The following RPF1 variants were observed in gnomAD, a reference collection of about 807,000 sequenced individuals.
RPF1 encodes the protein ribosome production factor 1.
In RPF1, 34 loss-of-function variants were observed where a neutral mutation model predicts 41.9. The observed-to-expected ratio is 0.81, with a 90% confidence interval of 0.62 to 1.08. The LOEUF (loss-of-function observed/expected upper bound fraction) is 1.08, where lower values mean the gene tolerates loss of function less well. RPF1 is among the 50% of genes least tolerant of loss of function. The probability of loss-of-function intolerance (pLI) is 0.00; values close to 1 mark genes in which losing one functional copy is unlikely to be tolerated. For missense variants in RPF1, 425 were observed against 435.2 expected (o/e 0.98, Z 0.21); for synonymous variants, 140 against 148.9 (o/e 0.94, Z 0.43).
Position 84,495,933 on chromosome 1 carries a change from T to A in RPF1, c.751T>A (p.Phe251Ile), listed in dbSNP as rs1681926603. The part of the protein sequence containing the change: ...EHIPEIILNN[F>I]TTRLGHSIGR... Reference sequence around the variant, plus strand: ...CATACCTGAAATAATTCTGAATAATTTTACAACACGGCTGGGTCATTCAAT... The same window carrying A: ...CATACCTGAAATAATTCTGAATAATATTACAACACGGCTGGGTCATTCAAT... Residue 251 changes from phenylalanine (F) to isoleucine (I), a missense_variant, in exon 7 of 9, where the codon TTT (phenylalanine) becomes ATT (isoleucine). Transcript: ENST00000370654. 1.2e-6 allele frequency: 2 copies of A among 1,611,322 alleles called. No individual in the cohort carries two copies. Among genetic ancestry groups the A allele is most frequent in the Non-Finnish European group, 1.7e-6 (2 of 1,177,806 alleles).
At chr1:84,488,374 T>C (rs1427663049) in intron 3 of RPF1, among the ~76,000 whole-genome samples, 1 of 152,164 alleles carries the variant, frequency 6.6e-6, no homozygotes, top group Non-Finnish European at 1.5e-5. Flanking sequence ...AAACTGCATG[T>C]CTTTGAAAAT....
intron 2 of RPF1, 73 bp from the exon 3 acceptor site, chr1:84,482,842 T>C: frequency 1.1e-6 from 1 of 911,860 alleles, no homozygotes; most frequent in Non-Finnish European, 1.8e-6. Flanking sequence ...TGTAGCTTTC[T>C]GTTATTTTTC....
At chr1:84,492,863 A>G (rs1322268413) in intron 5 of RPF1, among the ~76,000 whole-genome samples, 1 of 152,232 alleles carries the variant, frequency 6.6e-6, no homozygotes, top group Non-Finnish European at 1.5e-5. Flanking sequence ...TCCAAATGTG[A>G]GCAGCTGTCA....
At position 84,497,750 on chromosome 1, in the gene RPF1, A is replaced by T. The variant is rs1332940838; in HGVS notation, c.*280A>T. The T allele has an allele frequency of 3.3e-6, 1 of 306,446 alleles. No individual in the cohort carries two copies. Among genetic ancestry groups the T allele is most frequent in the Non-Finnish European group, 6.1e-6 (1 of 164,622 alleles). 19.0% of individuals were successfully genotyped at this position (306,446 alleles called of 1,614,324 possible). ...AATCAAGATTCAGATTAACTTTCCT[A>T]TTTGCATAGAACACATGAGAGGAAT... On this transcript the variant is annotated 3_prime_UTR_variant, in exon 9 of 9. Transcript: ENST00000370654.
In RPF1 at chr1:84,479,559, T is replaced by G. The variant is rs756659309; in HGVS notation, c.228+50T>G. ...GGCGCTTGCGCGTTGTTCCTGACGC[T>G]TAGGGCGGTCGCGGGGCGCACATCT... On this transcript the variant is annotated intron_variant, in intron 1 of 8. Coordinates refer to ENST00000370654, the MANE Select transcript of RPF1 (RefSeq NM_025065.7). 31 of 1,561,564 alleles carry G rather than the reference T, an allele frequency of 2.0e-5. No individual in the cohort carries two copies. The Middle Eastern group carries it at 1.7e-3, about 87-fold the overall frequency.
chr1:84,487,705 A>G (rs993719033), intron 3 of RPF1, among the ~76,000 whole-genome samples: 4 of 152,150 alleles, frequency 2.6e-5, no homozygotes, highest in Admixed American at 2.6e-4. Context: ...AAATAATTAA[A>G]GAGTTGCCTC....
intron 5 of RPF1, 114 bp from the exon 6 acceptor site, chr1:84,495,259 G>A: frequency 9.3e-6 from 6 of 642,328 alleles, no homozygotes; most frequent in Non-Finnish European, 1.6e-5. Context: ...ATGTACATCT[G>A]CCTATTCACT....
intron 1 of RPF1, 36 bp downstream of exon 1, chr1:84,479,545 G>T (rs751043500): frequency 1.2e-6 from 2 of 1,601,080 alleles, no homozygotes; most frequent in African/African-American, 1.3e-5. Flanking sequence ...GCGCTTGCGC[G>T]TTGTTCCTGA....
intron 5 of RPF1, among the ~76,000 whole-genome samples, chr1:84,491,097 C>T (rs12136756): frequency 0.18 from 27,444 of 152,082 alleles, 2,556 homozygotes; most frequent in South Asian, 0.31. Context: ...GTGTGTGTTC[C>T]AGTCTAAAAC....
At chr1:84,481,672 T>G (rs1361642689) in intron 2 of RPF1, among the ~76,000 whole-genome samples, 1 of 152,220 alleles carries the variant, frequency 6.6e-6, no homozygotes, top group Admixed American at 6.5e-5. Flanking sequence ...AGTGAAATCT[T>G]TATTGAAAAA....
At chr1:84,491,175 A>G (rs12126584) in intron 5 of RPF1, among the ~76,000 whole-genome samples, 27,443 of 152,108 alleles carry the variant, frequency 0.18, 2,557 homozygotes, top group South Asian at 0.31. Flanking sequence ...TCCTGTTGAG[A>G]TAAGAGATTT....
Position 84,489,640 on chromosome 1 carries a change from A to T in RPF1, c.374A>T (p.Tyr125Phe), listed in dbSNP as rs551133574. ...CCTCTTCTCTGTTCTCAGGTCGCTTATGATGAAGCTACAGATGAATTTGCT... is the reference window on the plus strand; with the variant it reads ...CCTCTTCTCTGTTCTCAGGTCGCTTTTGATGAAGCTACAGATGAATTTGCT... ...TVDPNDEEVAYDEATDEFASY... is the reference protein window; with the variant it reads ...TVDPNDEEVAFDEATDEFASY... Residue 125 changes from tyrosine to phenylalanine, a missense_variant, in exon 4 of 9, where the codon TAT (tyrosine) becomes TTT (phenylalanine). Coordinates refer to ENST00000370654, the MANE Select transcript of RPF1 (RefSeq NM_025065.7). 3 of 1,590,316 alleles carry T rather than the reference A, an allele frequency of 1.9e-6. No individual in the cohort carries two copies. The highest frequency in any genetic ancestry group is 8.6e-7 in the Non-Finnish European group (1 of 1,158,628).
intron 1 of RPF1, among the ~76,000 whole-genome samples, chr1:84,480,648 C>G (rs1398665113): frequency 6.6e-6 from 1 of 152,160 alleles, no homozygotes; most frequent in African/African-American, 2.4e-5. Flanking sequence ...TGGAAACCAT[C>G]ACATACTTTA....
Position 84,497,531 on chromosome 1 carries a change from AT to A in RPF1, c.*66del. On this transcript the variant is annotated 3_prime_UTR_variant, in exon 9 of 9. Transcript: ENST00000370654. ...GGCCTATCTTGAACTTTGGTAAATT[AT>A]TTTTGACAGAATACTCTTTTCAAAA... 2.4e-6 allele frequency: 3 copies of A among 1,255,478 alleles called. No homozygotes were observed. The highest frequency in any genetic ancestry group is 2.1e-5 in the Admixed American group (1 of 47,170). 77.8% of individuals were successfully genotyped at this position (1,255,478 alleles called of 1,614,324 possible).
chr1:84,492,462 A>T (rs1397280773), intron 5 of RPF1, among the ~76,000 whole-genome samples: 1 of 152,218 alleles, frequency 6.6e-6, no homozygotes, highest in Admixed American at 6.5e-5. Flanking sequence ...CTGTGATATC[A>T]AATACAGATT....
Position 84,490,244 on chromosome 1 carries a change from T to A in RPF1, c.463-75T>A, listed in dbSNP as rs1467823015. 3 of 948,000 alleles carry A rather than the reference T, an allele frequency of 3.2e-6. No individual in the cohort carries two copies. In the Admixed American group the frequency reaches 8.8e-5, roughly 28 times the overall value. 58.7% of individuals were successfully genotyped at this position (948,000 alleles called of 1,614,324 possible). A position where few individuals can be genotyped will look rare whatever the true frequency, so the allele number is the denominator to read the frequency against. On this transcript the variant is annotated intron_variant, in intron 4 of 8. Transcript: ENST00000370654. Reference sequence around the variant, plus strand: ...ATCATAATAATTATTATTTCTTTCCTTATGAATATGTACCACATAAGATTT... The same window carrying A: ...ATCATAATAATTATTATTTCTTTCCATATGAATATGTACCACATAAGATTT...
At chr1:84,481,119 T>C in intron 2 of RPF1, 107 bp downstream of exon 2, 1 of 632,088 alleles carries the variant, frequency 1.6e-6, no homozygotes, top group Non-Finnish European at 2.7e-6. Context: ...GTATTTCAGA[T>C]GTATGAAGAA....
chr1:84,482,588 A>AT (rs1558538553), intron 2 of RPF1, among the ~76,000 whole-genome samples: 1 of 151,238 alleles, frequency 6.6e-6, no homozygotes, highest in Admixed American at 6.6e-5. Context: ...TTTTTCTTTT[A>AT]TTTTTCTCCT....
Position 84,479,397 on chromosome 1 carries a change from G to A in RPF1, c.116G>A (p.Gly39Glu). 1 of 1,614,214 alleles carries A rather than the reference G, an allele frequency of 6.2e-7. No individual in the cohort carries two copies. Among genetic ancestry groups the A allele is most frequent in the East Asian group, 2.2e-5 (1 of 44,884 alleles). The part of the protein sequence containing the change: ...AGAGDGATEN[G>E]VQPPKAAAFP... Reference sequence around the variant, plus strand: ...GCTGGGGATGGGGCGACGGAAAACGGGGTCCAACCCCCGAAAGCGGCTGCC... The same window carrying A: ...GCTGGGGATGGGGCGACGGAAAACGAGGTCCAACCCCCGAAAGCGGCTGCC... Residue 39 changes from glycine (G) to glutamate (E), a missense_variant, in exon 1 of 9, where the codon GGG (glycine) becomes GAG (glutamate). Transcript: ENST00000370654.
Sources: gnomAD v4.1 joint callset for allele counts (sites outside exome capture counted in the v4.1 genomes callset) on GRCh38, gnomAD v4.1.1 for gene constraint, MANE v1.5 for transcripts, NCBI Gene and HGNC (gene_info 2026-07-23, HGNC 2026-07-21) for gene names.